DOCK3: variants seen among roughly 807,000 people sequenced by gnomAD.
DOCK3 encodes the protein dedicator of cytokinesis protein 3.
A neutral mutation model predicts 265.6 loss-of-function variants in DOCK3; 60 were observed. The ratio of observed to expected loss-of-function variants is 0.23; its 90% CI spans 0.18 to 0.28. The LOEUF is 0.28. DOCK3 is among the 10% of genes least tolerant of loss of function. The pLI is 1.00. For synonymous variants in DOCK3, 881 were observed against 938.0 expected (o/e 0.94, Z 1.11); for missense variants, 1,981 against 2,594.3 (o/e 0.76, Z 5.14).
intron 19 of DOCK3, among the ~76,000 whole-genome samples, chr3:51,231,794 C>A (rs560058683): frequency 6.6e-6 from 1 of 152,148 alleles, no homozygotes; most frequent in Non-Finnish European, 1.5e-5. Flanking sequence ...GTTTTTGTTG[C>A]AATTGCTTTT....
At chr3:50,995,893 C>A (rs1291731536) in intron 5 of DOCK3, among the ~76,000 whole-genome samples, 1 of 152,048 alleles carries the variant, frequency 6.6e-6, no homozygotes, top group African/African-American at 2.4e-5. Context: ...TATTGTAGAT[C>A]TCCTTTTTGG....
chr3:51,286,649 C>G (rs2109075323), intron 27 of DOCK3, among the ~76,000 whole-genome samples: 1 of 152,042 alleles, frequency 6.6e-6, no homozygotes, highest in East Asian at 1.9e-4. Flanking sequence ...GAATACAGAG[C>G]CCAGAAATAA....
At chr3:51,345,644 A>G (rs1576881399) in intron 38 of DOCK3, among the ~76,000 whole-genome samples, 2 of 152,216 alleles carry the variant, frequency 1.3e-5, no homozygotes, top group South Asian at 4.2e-4. Context: ...ACAAACAACA[A>G]CAAAACACAC....
At chr3:50,707,103 G>A (rs1342414742) in intron 1 of DOCK3, among the ~76,000 whole-genome samples, 1 of 152,070 alleles carries the variant, frequency 6.6e-6, no homozygotes, top group African/African-American at 2.4e-5. Flanking sequence ...GCCTTCTGCC[G>A]TGAGTAAAAG....
intron 5 of DOCK3, among the ~76,000 whole-genome samples, chr3:51,027,064 C>A (rs1342881215): frequency 6.6e-6 from 1 of 152,026 alleles, no homozygotes. Flanking sequence ...AATTTGAGAT[C>A]TTTCTATCTT....
rs555395808 is a variant in DOCK3 at position 51,277,956 on chromosome 3, T to A, written c.2823+202T>A. ...TCTAGGTTCACATTCCCAGGACTCT[T>A]CTTTAGGGCAGATCTGGGGAATGTT... On this transcript the variant is annotated intron_variant, in intron 26 of 52. Coordinates refer to ENST00000266037, the MANE Select transcript of DOCK3 (RefSeq NM_004947.5). 8 of 985,384 alleles carry A rather than the reference T, an allele frequency of 8.1e-6. No individual in the cohort carries two copies. The East Asian group carries it at 6.8e-4, about 84-fold the overall frequency. The allele number at this position is 985,384 out of a possible 1,614,324, so 61.0% of individuals were successfully genotyped here. A position where few individuals can be genotyped will look rare whatever the true frequency, so the allele number is the denominator to read the frequency against.
intron 1 of DOCK3, among the ~76,000 whole-genome samples, chr3:50,721,372 T>C (rs1008345596): frequency 1.3e-5 from 2 of 152,232 alleles, no homozygotes; most frequent in African/African-American, 4.8e-5. Context: ...TTGTATATGA[T>C]GTAAGGAAGG....
chr3:51,289,517 A>C (rs534187238), intron 27 of DOCK3, among the ~76,000 whole-genome samples: 15 of 152,340 alleles, frequency 9.8e-5, no homozygotes, highest in South Asian at 2.1e-4. Flanking sequence ...GGATCTACAA[A>C]CAACCAACCA....
chr3:50,901,655 A>T lies in DOCK3; in HGVS notation c.218+11574A>T, dbSNP rs750968201. 1.8e-4 allele frequency: 81 copies of T among 454,100 alleles called. 2 individuals carry two copies. The highest frequency in any genetic ancestry group is 1.3e-3 in the South Asian group (81 of 64,432). The allele number at this position is 454,100 out of a possible 1,614,324, so 28.1% of individuals were successfully genotyped here. On this transcript the variant is annotated intron_variant, in intron 4 of 52. Coordinates refer to ENST00000266037, the MANE Select transcript of DOCK3 (RefSeq NM_004947.5). ...GGATTGCGAGGACCATGGGAAAAGCATAGTAACTGGGCTGGAGTGCACTGT... is the reference window on the plus strand; with the variant it reads ...GGATTGCGAGGACCATGGGAAAAGCTTAGTAACTGGGCTGGAGTGCACTGT...
intron 2 of DOCK3, among the ~76,000 whole-genome samples, chr3:50,839,652 G>C (rs1404366213): frequency 7.0e-6 from 1 of 142,680 alleles, no homozygotes; most frequent in East Asian, 2.1e-4. Flanking sequence ...TTGGTGAAGT[G>C]TCTGTTTAGA....
intron 12 of DOCK3, among the ~76,000 whole-genome samples, chr3:51,198,772 G>A (rs370137022): frequency 5.4e-4 from 83 of 152,334 alleles, no homozygotes; most frequent in African/African-American, 1.9e-3. Flanking sequence ...GCTCATGCCT[G>A]TAATCCTAGC....
intron 6 of DOCK3, among the ~76,000 whole-genome samples, chr3:51,072,678 A>T (rs1330935815): frequency 6.6e-6 from 1 of 151,886 alleles, no homozygotes; most frequent in African/African-American, 2.4e-5. Flanking sequence ...AAAGTGCTGG[A>T]ATTATAGGCC....
intron 12 of DOCK3, among the ~76,000 whole-genome samples, chr3:51,194,414 C>A (rs1030052212): frequency 1.3e-5 from 2 of 152,124 alleles, no homozygotes; most frequent in Non-Finnish European, 2.9e-5. Context: ...TGTCAGTTAG[C>A]TCCATTGGGT....
intron 27 of DOCK3, among the ~76,000 whole-genome samples, chr3:51,298,361 A>T (rs893056258): frequency 1.3e-5 from 2 of 152,194 alleles, no homozygotes; most frequent in African/African-American, 4.8e-5. Flanking sequence ...TGCAGCTAAA[A>T]GTTTGTCCAT....
rs551453741 is a variant in DOCK3, at chr3:51,227,206, G to A, written c.1378-77G>A. 1.5e-4 allele frequency: 231 copies of A among 1,529,860 alleles called. 1 individual carries two copies. In the South Asian group the frequency reaches 2.7e-3, roughly 18 times the overall value. The allele number at this position is 1,529,860 out of a possible 1,614,324, so 94.8% of individuals were successfully genotyped here. The stretch of plus-strand genomic sequence containing the variant: ...AAATGAGACCTTTAGACAAGAGAAA[G>A]AAAAGTGTCCTAGTGACACAGAAAT... On this transcript the variant is annotated intron_variant, in intron 15 of 52. Transcript: ENST00000266037.
chr3:50,912,339 T>A (rs1360050738), intron 4 of DOCK3, among the ~76,000 whole-genome samples: 1 of 152,110 alleles, frequency 6.6e-6, no homozygotes, highest in Non-Finnish European at 1.5e-5. Flanking sequence ...TAGCTGGGGA[T>A]GGAGTGACAC....
intron 23 of DOCK3, among the ~76,000 whole-genome samples, chr3:51,264,539 A>G (rs2080048880): frequency 6.6e-6 from 1 of 152,116 alleles, no homozygotes; most frequent in Non-Finnish European, 1.5e-5. Context: ...GAAGACAAGA[A>G]ATAACTAGCC....
chr3:50,981,876 GTC>G (rs1009341839), intron 5 of DOCK3, among the ~76,000 whole-genome samples: 5 of 151,962 alleles, frequency 3.3e-5, no homozygotes, highest in African/African-American at 1.2e-4. Context: ...TTGAGATGGA[GTC>G]TCTCTCTGTC....
intron 2 of DOCK3, among the ~76,000 whole-genome samples, chr3:50,782,129 G>A (rs909358783): frequency 2.0e-5 from 3 of 151,918 alleles, no homozygotes; most frequent in Non-Finnish European, 4.4e-5. Flanking sequence ...ATATTCCTTC[G>A]GGTATATATG....
Sources: gnomAD v4.1 joint callset for allele counts (sites outside exome capture counted in the v4.1 genomes callset) on GRCh38, gnomAD v4.1.1 for gene constraint, MANE v1.5 for transcripts, NCBI Gene and HGNC (gene_info 2026-07-23, HGNC 2026-07-21) for gene names.